The following EYA2 variants were observed in gnomAD, a reference collection of about 807,000 sequenced individuals.
EYA2 encodes EYA transcriptional coactivator and phosphatase 2, also known as protein phosphatase EYA2.
Under a neutral mutation model 69.2 loss-of-function variants are expected in EYA2, and 31 were observed. That is an observed-to-expected ratio of 0.45 (90% CI 0.34 to 0.60). The LOEUF (loss-of-function observed/expected upper bound fraction) is 0.60, where lower values mean the gene tolerates loss of function less well. Among genes scored for constraint, EYA2 ranks in the 20% least tolerant of loss-of-function variants. The pLI is 0.02. For missense variants in EYA2, 622 were observed against 701.2 expected, an observed-to-expected ratio of 0.89 and a Z score of 1.28; for synonymous variants, 257 against 279.4, an observed-to-expected ratio of 0.92 and a Z score of 0.80.
At chr20:47,122,169 T>A (rs1369765783) in intron 9 of EYA2, among the ~76,000 whole-genome samples, 1 of 152,100 alleles carries the variant, frequency 6.6e-6, no homozygotes. Context: ...GGCTCAGGTG[T>A]TCAGTTTGCC....
At chr20:46,939,599 AT>A (rs1322035976) in intron 1 of EYA2, among the ~76,000 whole-genome samples, 67 of 152,336 alleles carry the variant, frequency 4.4e-4, no homozygotes, top group African/African-American at 1.4e-3. Flanking sequence ...TGACTAATAC[AT>A]GCATCTTCCA....
chr20:47,075,009 G>T (rs1047845392), intron 7 of EYA2, among the ~76,000 whole-genome samples: 8 of 152,356 alleles, frequency 5.3e-5, no homozygotes, highest in Admixed American at 5.2e-4. Flanking sequence ...TACTAGGGCG[G>T]CTGAGGTAGG....
rs1020285928 is a variant in EYA2 at position 47,124,431 on chromosome 20, G to A, written c.889-18628G>A. ...AAGCACATTGCTGGTTATGTAAGAT[G>A]TTCTATCTGAGGAAGTGTGCTGAAG... On this transcript the variant is annotated intron_variant, in intron 9 of 15. Transcript: ENST00000327619. Among the ~76,000 whole-genome samples the A allele has an allele frequency of 3.3e-5, 5 of 152,210 alleles. No individual in the cohort carries two copies. The East Asian group carries it at 9.6e-4, about 29-fold the overall frequency.
At chr20:47,130,511 C>T (rs1373699170) in intron 9 of EYA2, among the ~76,000 whole-genome samples, 4 of 151,784 alleles carry the variant, frequency 2.6e-5, no homozygotes, top group Non-Finnish European at 4.4e-5. Context: ...GTGATCCACC[C>T]GCCTCGGCCT....
At chr20:47,079,506 A>C (rs1165776707) in intron 7 of EYA2, among the ~76,000 whole-genome samples, 1 of 152,204 alleles carries the variant, frequency 6.6e-6, no homozygotes, top group Non-Finnish European at 1.5e-5. Context: ...ACCCCTTATA[A>C]GGACTGTTGT....
chr20:47,068,170 A>C (rs2031184238), intron 5 of EYA2, among the ~76,000 whole-genome samples: 1 of 152,238 alleles, frequency 6.6e-6, no homozygotes, highest in Non-Finnish European at 1.5e-5. Flanking sequence ...TCCTCTCAGG[A>C]TCGATGTGAG....
intron 9 of EYA2, among the ~76,000 whole-genome samples, chr20:47,137,398 CCTGGG>C (rs1411282142): frequency 1.3e-5 from 2 of 152,264 alleles, no homozygotes; most frequent in East Asian, 3.9e-4. Flanking sequence ...GCAGTCCAGG[CCTGGG>C]CTAGGTGCTT....
At chr20:47,060,802 A>T (rs2030844822) in intron 5 of EYA2, among the ~76,000 whole-genome samples, 1 of 151,286 alleles carries the variant, frequency 6.6e-6, no homozygotes, top group Admixed American at 6.6e-5. Flanking sequence ...CTTCATGCAC[A>T]GAAGTGAAGG....
chr20:47,173,509 T>TTAA lies in EYA2; in HGVS notation c.1198+642_1198+643insTAA, dbSNP rs1555834800. On this transcript the variant is annotated intron_variant, in intron 12 of 15. Coordinates refer to ENST00000327619, the MANE Select transcript of EYA2 (RefSeq NM_005244.5). ...GCCTGGGCAACAAAGTGAGACCCCG[T>TTAA]AAAAAAAAAAAAAAAAAAAAAAACG... Among the ~76,000 whole-genome samples the TTAA allele has an allele frequency of 3.5e-3, 296 of 83,640 alleles. 12 individuals carry two copies. In the East Asian group the frequency reaches 0.065, roughly 19 times the overall value. The allele number at this position is 83,640 out of a possible 152,430, so 54.9% of individuals were successfully genotyped here.
chr20:47,156,370 A>G (rs2033953046), intron 10 of EYA2, among the ~76,000 whole-genome samples: 1 of 150,812 alleles, frequency 6.6e-6, no homozygotes, highest in African/African-American at 2.4e-5. Context: ...CTTTCAGGAG[A>G]AACAAGGTAA....
At chr20:47,071,715 G>A (rs2031319921) in intron 5 of EYA2, 1 of 164,048 alleles carries the variant, frequency 6.1e-6, no homozygotes, top group African/African-American at 2.4e-5. Context: ...CCAGGAAATT[G>A]AGGTTCAGAG....
At chr20:47,162,992 G>A (rs987594308) in intron 10 of EYA2, among the ~76,000 whole-genome samples, 2 of 151,604 alleles carry the variant, frequency 1.3e-5, no homozygotes, top group Admixed American at 6.6e-5. Flanking sequence ...TATTTTAATG[G>A]GATTTTATAA....
intron 4 of EYA2, among the ~76,000 whole-genome samples, chr20:47,012,589 T>A (rs1310231154): frequency 1.3e-5 from 2 of 152,154 alleles, no homozygotes; most frequent in African/African-American, 4.8e-5. Flanking sequence ...CACCTTCTAG[T>A]TTCAAGCAAT....
chr20:47,130,811 C>T (rs1295068525), intron 9 of EYA2, among the ~76,000 whole-genome samples: 1 of 152,044 alleles, frequency 6.6e-6, no homozygotes, highest in Non-Finnish European at 1.5e-5. Context: ...ATGCAAAGCC[C>T]GGGCGAGGTG....
At chr20:46,904,155 C>A (rs894424586) in intron 1 of EYA2, among the ~76,000 whole-genome samples, 1 of 152,180 alleles carries the variant, frequency 6.6e-6, no homozygotes, top group African/African-American at 2.4e-5. Context: ...ACCCTCTCAA[C>A]GTCCCAGACA....
intron 1 of EYA2, among the ~76,000 whole-genome samples, chr20:46,902,523 G>A (rs192859306): frequency 2.0e-5 from 3 of 152,318 alleles, no homozygotes; most frequent in African/African-American, 7.2e-5. Flanking sequence ...ATTAAACCCA[G>A]TTTTGATTCC....
At chr20:47,053,221 GC>G (rs1466942990) in intron 5 of EYA2, among the ~76,000 whole-genome samples, 1 of 152,022 alleles carries the variant, frequency 6.6e-6, no homozygotes, top group Non-Finnish European at 1.5e-5. Context: ...GAAATTGGAG[GC>G]CACCCAGATC....
rs372729199 is a variant in EYA2 at position 47,180,672 on chromosome 20, C to T, written c.1314-143C>T. The T allele has an allele frequency of 3.9e-4, 374 of 965,956 alleles. 3 individuals are homozygous for T. In the South Asian group the frequency reaches 5.8e-3, roughly 15 times the overall value. 59.8% of individuals were successfully genotyped at this position (965,956 alleles called of 1,614,324 possible). ...TAAAAGAGAGGAACAGCCTGAGAAT[C>T]CTTGGGCCCTAACATACCTGAAGAT... is the stretch of plus-strand genomic sequence containing the variant. On this transcript the variant is annotated intron_variant, in intron 13 of 15. Transcript: ENST00000327619.
chr20:46,971,080 T>TACACACACAC (rs148380754), intron 1 of EYA2, among the ~76,000 whole-genome samples: 28 of 147,276 alleles, frequency 1.9e-4, no homozygotes, highest in South Asian at 6.6e-4. Context: ...ATAAAGTTGC[T>TACACACACAC]ACACACACAC....
Sources: gnomAD v4.1 joint callset for allele counts (sites outside exome capture counted in the v4.1 genomes callset) on GRCh38, gnomAD v4.1.1 for gene constraint, MANE v1.5 for transcripts, NCBI Gene and HGNC (gene_info 2026-07-23, HGNC 2026-07-21) for gene names.